Variants in CTNND2 observed in about 807,000 individuals in gnomAD.
CTNND2 encodes catenin delta-2.
A neutral mutation model predicts 144.4 loss-of-function variants in CTNND2; 22 were observed. The observed-to-expected ratio is 0.15, with a 90% CI of 0.11 to 0.22. The LOEUF is 0.22. Ranked by LOEUF, CTNND2 falls within the 10% of genes least tolerant of loss-of-function variation. The probability of loss-of-function intolerance (pLI) is 1.00; values close to 1 mark genes in which losing one functional copy is unlikely to be tolerated. For synonymous variants in CTNND2, 751 were observed against 695.6 expected (o/e 1.08, Z -1.25); for missense variants, 1,353 against 1,618.8 (o/e 0.84, Z 2.82).
intron 11 of CTNND2, among the ~76,000 whole-genome samples, chr5:11,181,027 G>A (rs73053713): frequency 0.081 from 12,361 of 152,200 alleles, 1,384 homozygotes; most frequent in African/African-American, 0.26. Context: ...GTTTGGGCAG[G>A]TTAGGCAGGC....
rs548474192 is a variant in CTNND2 at position 11,556,322 on chromosome 5, A to C, written c.287+8622T>G. ...AAATAAATATTTTGGCAAATTGATT[A>C]TTTATTTAAGCAAGAATAAATCAAA... On this transcript the variant is annotated intron_variant, in intron 3 of 21. Transcript: ENST00000304623. 3.3e-5 allele frequency among the ~76,000 whole-genome samples: 5 copies of C among 152,254 alleles called. No homozygotes were observed. In the South Asian group the frequency reaches 1.0e-3, roughly 32 times the overall value.
chr5:11,250,175 C>G (rs1001057675), intron 9 of CTNND2, among the ~76,000 whole-genome samples: 3 of 152,022 alleles, frequency 2.0e-5, no homozygotes, highest in Non-Finnish European at 4.4e-5. Context: ...CAACAGTGGA[C>G]CATGGGTGAA....
At chr5:11,853,771 C>T (rs1206421203) in intron 1 of CTNND2, among the ~76,000 whole-genome samples, 2 of 152,228 alleles carry the variant, frequency 1.3e-5, no homozygotes, top group Non-Finnish European at 2.9e-5. Flanking sequence ...CCATTGTACA[C>T]CTAATCCACC....
At chr5:11,588,891 C>T in intron 2 of CTNND2, 2 of 985,426 alleles carry the variant, frequency 2.0e-6, no homozygotes, top group Non-Finnish European at 2.4e-6. Flanking sequence ...CTCCCTCCTC[C>T]CTCCCTGCAC....
chr5:11,685,142 G>A (rs1784588253), intron 2 of CTNND2, among the ~76,000 whole-genome samples: 1 of 152,118 alleles, frequency 6.6e-6, no homozygotes, highest in Non-Finnish European at 1.5e-5. Flanking sequence ...ACCACAAAAA[G>A]AAAAACAGTA....
At chr5:11,590,236 G>A (rs1158299017) in intron 2 of CTNND2, among the ~76,000 whole-genome samples, 1 of 151,876 alleles carries the variant, frequency 6.6e-6, no homozygotes, top group Non-Finnish European at 1.5e-5. Context: ...TAGTAGAGAC[G>A]GGGTTTCACC....
intron 10 of CTNND2, among the ~76,000 whole-genome samples, chr5:11,230,058 T>A (rs963586452): frequency 2.0e-5 from 3 of 151,804 alleles, no homozygotes; most frequent in Admixed American, 2.0e-4. Context: ...TCATTAAAAA[T>A]CCGCAAAAGG....
chr5:11,721,005 C>A (rs541365861), intron 2 of CTNND2, among the ~76,000 whole-genome samples: 4 of 152,274 alleles, frequency 2.6e-5, no homozygotes, highest in Non-Finnish European at 5.9e-5. Flanking sequence ...TCCACACAAA[C>A]TTGTACACAA....
chr5:11,637,370 T>C (rs780825231), intron 2 of CTNND2, among the ~76,000 whole-genome samples: 5 of 152,218 alleles, frequency 3.3e-5, no homozygotes, highest in Non-Finnish European at 7.3e-5. Flanking sequence ...ACAATGCCAG[T>C]TGAGAAGTTG....
intron 2 of CTNND2, among the ~76,000 whole-genome samples, chr5:11,722,935 A>G (rs1193451080): frequency 1.3e-5 from 2 of 152,236 alleles, no homozygotes; most frequent in African/African-American, 2.4e-5. Context: ...GTAATGATTA[A>G]AACATTTTAA....
intron 9 of CTNND2, among the ~76,000 whole-genome samples, chr5:11,284,469 T>G (rs1356980978): frequency 6.6e-6 from 1 of 152,150 alleles, no homozygotes; most frequent in African/African-American, 2.4e-5. Flanking sequence ...TGTGTCCATG[T>G]GTTCTCATTG....
chr5:10,989,220 G>T (rs1429263124), intron 19 of CTNND2, among the ~76,000 whole-genome samples: 1 of 152,192 alleles, frequency 6.6e-6, no homozygotes, highest in Admixed American at 6.5e-5. Context: ...CTGGGTGAGG[G>T]GGCAGCTGGT....
intron 18 of CTNND2, among the ~76,000 whole-genome samples, chr5:11,015,645 T>G (rs1741530620): frequency 6.6e-6 from 1 of 152,230 alleles, no homozygotes; most frequent in Non-Finnish European, 1.5e-5. Context: ...GGAGAGTGTC[T>G]AAAAGCTGCT....
At chr5:11,220,978 C>T (rs976911383) in intron 10 of CTNND2, among the ~76,000 whole-genome samples, 1 of 152,206 alleles carries the variant, frequency 6.6e-6, no homozygotes. Context: ...CAGTGTTCTA[C>T]TTGTCATGCA....
chr5:11,107,982 C>T (rs1752588244), intron 14 of CTNND2, among the ~76,000 whole-genome samples: 4 of 152,140 alleles, frequency 2.6e-5, no homozygotes, highest in Non-Finnish European at 5.9e-5. Context: ...GAAATAAGAC[C>T]CACAGAGTCC....
chr5:11,362,191 T>C (rs180984225), intron 8 of CTNND2, among the ~76,000 whole-genome samples: 5 of 136,752 alleles, frequency 3.7e-5, no homozygotes, highest in East Asian at 4.2e-4. Context: ...CACAAAGATA[T>C]TGGGAAGCAA....
At chr5:11,059,553 C>G (rs540481466) in intron 16 of CTNND2, among the ~76,000 whole-genome samples, 1 of 152,128 alleles carries the variant, frequency 6.6e-6, no homozygotes, top group Non-Finnish European at 1.5e-5. Flanking sequence ...AGCGTGAAAA[C>G]GAACTAATAC....
intron 2 of CTNND2, among the ~76,000 whole-genome samples, chr5:11,602,696 A>G (rs922942157): frequency 6.9e-6 from 1 of 144,026 alleles, no homozygotes; most frequent in Non-Finnish European, 1.5e-5. Context: ...TATATATAGT[A>G]TATATTTCAT....
chr5:11,869,274 A>G (rs1795915727), intron 1 of CTNND2, among the ~76,000 whole-genome samples: 1 of 152,238 alleles, frequency 6.6e-6, no homozygotes, highest in Admixed American at 6.5e-5. Flanking sequence ...CTTGCACACC[A>G]ATGTTCACAG....
Sources: allele counts gnomAD v4.1 joint callset (sites outside exome capture counted in the v4.1 genomes callset), GRCh38; gene constraint gnomAD v4.1.1; transcripts MANE v1.5; gene names NCBI Gene and HGNC (gene_info 2026-07-23, HGNC 2026-07-21).